The following LMTK2 variants were observed in gnomAD, a reference collection of about 807,000 sequenced individuals.
LMTK2 encodes the protein serine/threonine-protein kinase LMTK2.
In LMTK2, 37 loss-of-function variants were observed where a neutral mutation model predicts 127.5. That is an observed-to-expected ratio of 0.29 (90% CI 0.22 to 0.38). The LOEUF (loss-of-function observed/expected upper bound fraction) is 0.38. Ranked by LOEUF, LMTK2 falls within the 10% of genes least tolerant of loss-of-function variation. The pLI, the probability that LMTK2 is intolerant of heterozygous loss-of-function variation, is 1.00. For missense variants in LMTK2, 1,694 were observed against 1,920.3 expected, an observed-to-expected ratio of 0.88 and a Z score of 2.20; for synonymous variants, 819 against 810.1, an observed-to-expected ratio of 1.01 and a Z score of -0.19.
intron 13 of LMTK2, 35 bp downstream of exon 13, chr7:98,204,221 AG>A (rs766139933): frequency 3.4e-6 from 3 of 883,620 alleles, no homozygotes; most frequent in Non-Finnish European, 3.7e-6. Flanking sequence ...TTGGGAGTGC[AG>A]GGTCGGGGGT....
Position 98,205,843 on chromosome 7 carries a change from G to C in LMTK2, c.*351G>C. The C allele has an allele frequency of 3.1e-6, 1 of 325,542 alleles. No homozygotes were observed. Among genetic ancestry groups the C allele is most frequent in the South Asian group, 5.0e-5 (1 of 20,106 alleles). The allele number at this position is 325,542 out of a possible 1,614,324, so 20.2% of individuals were successfully genotyped here. A position where few individuals can be genotyped will look rare whatever the true frequency, so the allele number is the denominator to read the frequency against. On this transcript the variant is annotated 3_prime_UTR_variant, in exon 14 of 14. Transcript: ENST00000297293. The stretch of plus-strand genomic sequence containing the variant: ...TGCACCGCATGTGTGCTTTCCACAG[G>C]GGCGTCTCTGCGTCCACGCCTGCAC...
In LMTK2 at chr7:98,194,457, G is replaced by A. The variant is rs767307964; in HGVS notation, c.3992G>A (p.Arg1331Gln). ...AGCAACGAGGACGGAAGGCACCTGC[G>A]GAGTCTGTTGAAGCCCACAGCGGCC... ...ILSNEDGRHL[R>Q]SLLKPTAANA... The change falls in exon 11 of 14, where the codon CGG becomes CAG. Residue 1331 changes from arginine to glutamine, a missense_variant. Arg to Gln is a conservative substitution (Grantham distance 43, BLOSUM62 1). This residue lies in a region of LMTK2 where 554 missense variants were observed against 567.7 expected (regional missense o/e 0.98). Transcript: ENST00000297293. This position sits in a 1 kb window ranked among gnomAD's most constrained non-coding sequence, Gnocchi z 5.4. 40 of 1,613,982 alleles carry A rather than the reference G, an allele frequency of 2.5e-5. No homozygotes were observed. The highest frequency in any genetic ancestry group is 3.3e-4 in the Middle Eastern group (2 of 6,084).
chr7:98,134,204 T>A (rs1796567014), intron 1 of LMTK2, among the ~76,000 whole-genome samples: 1 of 152,212 alleles, frequency 6.6e-6, no homozygotes, highest in Non-Finnish European at 1.5e-5. Context: ...TCAGAGGTAT[T>A]GTGACAGCCA....
Position 98,171,759 on chromosome 7 carries a change from A to G in LMTK2, c.791+85A>G. 7.1e-7 allele frequency: 1 copy of G among 1,412,958 alleles called. No homozygotes were observed. Among genetic ancestry groups the G allele is most frequent in the South Asian group, 1.4e-5 (1 of 68,998 alleles). 87.5% of individuals were successfully genotyped at this position (1,412,958 alleles called of 1,614,324 possible). A position where few individuals can be genotyped will look rare whatever the true frequency, so the allele number is the denominator to read the frequency against. On this transcript the variant is annotated intron_variant, in intron 7 of 13. Transcript: ENST00000297293. This position sits in a 1 kb window ranked among gnomAD's most constrained non-coding sequence, Gnocchi z 5.1. ...GCTGCCGAGTTTGTGAAACTTAAGG[A>G]GGACAGGAGGTGGCAGAATGAACCC...
At chr7:98,151,151 G>A (rs769570803) in intron 3 of LMTK2, among the ~76,000 whole-genome samples, 9 of 151,920 alleles carry the variant, frequency 5.9e-5, no homozygotes, top group Non-Finnish European at 1.2e-4. Context: ...TAGCTGGATC[G>A]GAAAAAAAAC....
At chr7:98,157,280 GGT>G (rs1796939780) in intron 5 of LMTK2, among the ~76,000 whole-genome samples, 1 of 151,558 alleles carries the variant, frequency 6.6e-6, no homozygotes, top group Non-Finnish European at 1.5e-5. Flanking sequence ...TAGGTAGGTA[GGT>G]AGGTAGGTAG....
At chr7:98,202,148 G>C (rs1297002892) in intron 11 of LMTK2, among the ~76,000 whole-genome samples, 1 of 151,824 alleles carries the variant, frequency 6.6e-6, no homozygotes, top group Non-Finnish European at 1.5e-5. Flanking sequence ...GTTTGGATTG[G>C]GTGATTTCTG....
At chr7:98,150,956 A>T (rs1796843600) in intron 3 of LMTK2, among the ~76,000 whole-genome samples, 1 of 152,240 alleles carries the variant, frequency 6.6e-6, no homozygotes, top group African/African-American at 2.4e-5. Flanking sequence ...ATTAAAGTGT[A>T]TCAAAGTGTA....
intron 3 of LMTK2, among the ~76,000 whole-genome samples, chr7:98,144,563 C>T (rs1050952804): frequency 1.3e-5 from 2 of 152,042 alleles, no homozygotes; most frequent in Non-Finnish European, 1.5e-5. Flanking sequence ...TTTCATACAC[C>T]TTTCTCGAAT....
chr7:98,203,782 C>T, intron 12 of LMTK2, 76 bp downstream of exon 12: 1 of 1,592,054 alleles, frequency 6.3e-7, no homozygotes, highest in Non-Finnish European at 8.6e-7. Context: ...GGGTAACTTC[C>T]CATGTTGCTT....
chr7:98,188,600 C>T (rs981275951), intron 9 of LMTK2, among the ~76,000 whole-genome samples: 1 of 152,178 alleles, frequency 6.6e-6, no homozygotes, highest in East Asian at 1.9e-4. Flanking sequence ...GCCCAACCCT[C>T]CTTCATTTCC....
intron 3 of LMTK2, among the ~76,000 whole-genome samples, chr7:98,142,426 A>T (rs1482320903): frequency 6.6e-6 from 1 of 152,234 alleles, no homozygotes; most frequent in East Asian, 1.9e-4. Context: ...CAGCATTAAA[A>T]AAAACAACCT....
intron 10 of LMTK2, among the ~76,000 whole-genome samples, chr7:98,191,119 T>TA (rs764883061): frequency 6.6e-5 from 10 of 151,606 alleles, no homozygotes; most frequent in Admixed American, 1.3e-4. Context: ...TATTTTTATT[T>TA]AAAAAAAAAT....
intron 1 of LMTK2, among the ~76,000 whole-genome samples, chr7:98,136,067 C>T (rs1234619716): frequency 1.3e-5 from 2 of 151,794 alleles, no homozygotes; most frequent in Non-Finnish European, 2.9e-5. Flanking sequence ...AGCTTCCTGT[C>T]GTGCCCGGAA....
At chr7:98,133,074 T>C (rs1796546339) in intron 1 of LMTK2, among the ~76,000 whole-genome samples, 2 of 152,372 alleles carry the variant, frequency 1.3e-5, no homozygotes, top group South Asian at 4.1e-4. Flanking sequence ...CTTTGAAAAC[T>C]ATTAAATGAA....
At chr7:98,197,989 A>C (rs1797652652) in intron 11 of LMTK2, among the ~76,000 whole-genome samples, 1 of 152,056 alleles carries the variant, frequency 6.6e-6, no homozygotes, top group Non-Finnish European at 1.5e-5. Context: ...ATGAGTTGGG[A>C]AGTATTTCCT....
chr7:98,139,868 C>G (rs1488987608), intron 2 of LMTK2, among the ~76,000 whole-genome samples: 1 of 152,122 alleles, frequency 6.6e-6, no homozygotes, highest in East Asian at 1.9e-4. Context: ...GGAGAACAGT[C>G]TTGTTCACTG....
intron 1 of LMTK2, among the ~76,000 whole-genome samples, chr7:98,127,675 A>G (rs1796462458): frequency 6.6e-6 from 1 of 152,244 alleles, no homozygotes; most frequent in Non-Finnish European, 1.5e-5. Flanking sequence ...TGGACCAAGT[A>G]TATGTTAAAA....
intron 6 of LMTK2, among the ~76,000 whole-genome samples, chr7:98,159,789 G>A (rs1344358985): frequency 6.6e-6 from 1 of 152,130 alleles, no homozygotes; most frequent in Non-Finnish European, 1.5e-5. Context: ...TCCTAAGAGC[G>A]TGAACCAGGC....
Sources: gnomAD v4.1 joint callset for allele counts (sites outside exome capture counted in the v4.1 genomes callset) on GRCh38, gnomAD v4.1.1 for gene constraint, gnomAD v4.1.1 regional missense constraint, Gnocchi (gnomAD v3.1) non-coding constraint, MANE v1.5 for transcripts, NCBI Gene and HGNC (gene_info 2026-07-23, HGNC 2026-07-21) for gene names.